Variants in HMBOX1 observed in about 807,000 individuals in gnomAD.
HMBOX1 encodes the protein homeobox-containing protein 1.
Under a neutral mutation model 54.5 loss-of-function variants are expected in HMBOX1, and 14 were observed. The observed-to-expected ratio is 0.26, with a 90% CI of 0.17 to 0.40. The LOEUF is 0.40. Ranked by LOEUF, HMBOX1 falls within the 10% of genes least tolerant of loss-of-function variation. The probability of loss-of-function intolerance (pLI) is 1.00; values close to 1 mark genes in which losing one functional copy is unlikely to be tolerated. For synonymous variants in HMBOX1, 160 were observed against 181.0 expected (o/e 0.88, Z 0.93); for missense variants, 332 against 514.4 (o/e 0.65, Z 3.43).
At chr8:28,935,865 C>T (rs971307983) in intron 1 of HMBOX1, among the ~76,000 whole-genome samples, 1 of 152,048 alleles carries the variant, frequency 6.6e-6, no homozygotes, top group East Asian at 1.9e-4. Flanking sequence ...AATCTTGACT[C>T]TGACACTTGT....
At chr8:28,950,166 T>C (rs919981793) in intron 1 of HMBOX1, among the ~76,000 whole-genome samples, 7 of 152,234 alleles carry the variant, frequency 4.6e-5, no homozygotes, top group African/African-American at 1.7e-4. Flanking sequence ...GATATGGCAT[T>C]GCATCATGAG....
rs535204650 is a variant in HMBOX1, at chr8:28,917,753, A to G, written c.-58+27075A>G. Among the ~76,000 whole-genome samples the G allele has an allele frequency of 5.3e-5, 8 of 152,284 alleles. No homozygotes were observed. The East Asian group carries it at 1.3e-3, about 26-fold the overall frequency. On this transcript the variant is annotated intron_variant, in intron 1 of 9. Transcript: ENST00000287701. ...GCTCCGAGTTTTGGTCATGAATAAGATATTATATTAACTTTTATCAAGTGC... is the reference window on the plus strand; with the variant it reads ...GCTCCGAGTTTTGGTCATGAATAAGGTATTATATTAACTTTTATCAAGTGC...
chr8:28,913,665 C>A (rs1323491896), intron 1 of HMBOX1, among the ~76,000 whole-genome samples: 1 of 152,116 alleles, frequency 6.6e-6, no homozygotes, highest in East Asian at 1.9e-4. Context: ...CTTTCTCTCC[C>A]CATAGCACCC....
intron 6 of HMBOX1, among the ~76,000 whole-genome samples, chr8:29,044,195 A>G (rs1297457881): frequency 6.6e-6 from 1 of 152,182 alleles, no homozygotes; most frequent in African/African-American, 2.4e-5. Context: ...TGCTATTCAC[A>G]ATAGGATGGC....
chr8:28,908,728 TG>T (rs1814823101), intron 1 of HMBOX1, among the ~76,000 whole-genome samples: 1 of 152,136 alleles, frequency 6.6e-6, no homozygotes, highest in African/African-American at 2.4e-5. Context: ...ATTGTGCCAT[TG>T]GACTCCAGCC....
intron 1 of HMBOX1, among the ~76,000 whole-genome samples, chr8:28,948,391 G>A (rs17524918): frequency 0.11 from 16,130 of 152,106 alleles, 1,045 homozygotes; most frequent in Middle Eastern, 0.16. Context: ...GCAGGATTGA[G>A]GCATAAAAGA....
intron 4 of HMBOX1, among the ~76,000 whole-genome samples, chr8:28,999,090 T>G (rs1431717249): frequency 6.6e-6 from 1 of 152,200 alleles, no homozygotes; most frequent in Non-Finnish European, 1.5e-5. Context: ...TCTTATTTCT[T>G]CAGGTGTATT....
chr8:28,986,916 T>C (rs765807393), intron 4 of HMBOX1, among the ~76,000 whole-genome samples: 17 of 152,192 alleles, frequency 1.1e-4, no homozygotes, highest in Non-Finnish European at 1.9e-4. Flanking sequence ...CATATTTTCT[T>C]ACTTTGTTGA....
chr8:28,895,862 T>C (rs1002534665), intron 1 of HMBOX1, among the ~76,000 whole-genome samples: 2 of 152,200 alleles, frequency 1.3e-5, no homozygotes, highest in Admixed American at 1.3e-4. Context: ...CTTCATCCTT[T>C]CTGGTTTATT....
chr8:28,993,564 A>G (rs1831311845), intron 4 of HMBOX1, among the ~76,000 whole-genome samples: 1 of 152,172 alleles, frequency 6.6e-6, no homozygotes, highest in Non-Finnish European at 1.5e-5. Flanking sequence ...TCTCCAGTGG[A>G]ATGAAGAAGG....
At chr8:28,908,704 T>C (rs1585707014) in intron 1 of HMBOX1, among the ~76,000 whole-genome samples, 1 of 152,008 alleles carries the variant, frequency 6.6e-6, no homozygotes, top group East Asian at 1.9e-4. Flanking sequence ...GCAGTGAGCC[T>C]ACAGTGAGCC....
Position 29,003,970 on chromosome 8 carries a change from A to C in HMBOX1, c.587-5102A>C, listed in dbSNP as rs894258882. The stretch of plus-strand genomic sequence containing the variant: ...TACTGCAATTGTCCAGGCAAAAGAG[A>C]CTGAGATTCCAAACTTCTGGAATGA... On this transcript the variant is annotated intron_variant, in intron 4 of 9. Coordinates refer to ENST00000287701, the MANE Select transcript of HMBOX1 (RefSeq NM_001135726.3). Among the ~76,000 whole-genome samples, 40 of 152,160 alleles carry C rather than the reference A, an allele frequency of 2.6e-4. 1 individual carries two copies. Among genetic ancestry groups the C allele is most frequent in the Non-Finnish European group, 2.9e-5 (2 of 68,018 alleles).
intron 5 of HMBOX1, chr8:29,010,041 T>A (rs1473654798): frequency 3.0e-6 from 3 of 984,648 alleles, no homozygotes; most frequent in African/African-American, 1.7e-5. Context: ...GTCATAGAGA[T>A]GTATTTTTGT....
intron 1 of HMBOX1, among the ~76,000 whole-genome samples, chr8:28,897,664 A>C (rs547325233): frequency 6.6e-6 from 1 of 152,368 alleles, no homozygotes; most frequent in South Asian, 2.1e-4. Context: ...CAACAGAGCG[A>C]GACTCTATCT....
At chr8:29,050,769 T>C (rs1586707019) in intron 9 of HMBOX1, 2 of 483,676 alleles carry the variant, frequency 4.1e-6, no homozygotes, top group East Asian at 7.1e-5. Context: ...ATAGAATGAA[T>C]AGAATTCTCA....
At chr8:28,965,341 A>G (rs1397954256) in intron 2 of HMBOX1, among the ~76,000 whole-genome samples, 1 of 152,240 alleles carries the variant, frequency 6.6e-6, no homozygotes, top group Non-Finnish European at 1.5e-5. Flanking sequence ...TGATCAAAGT[A>G]TGATTTCATG....
chr8:28,930,024 G>A (rs539568928), intron 1 of HMBOX1, among the ~76,000 whole-genome samples: 1 of 147,118 alleles, frequency 6.8e-6, no homozygotes, highest in East Asian at 2.0e-4. Flanking sequence ...GAGAAAGAAG[G>A]GCACTGGGCC....
In HMBOX1 at chr8:28,989,274, GA is replaced by G. The variant is rs1179267952; in HGVS notation, c.586+9131del. Among the ~76,000 whole-genome samples the G allele has an allele frequency of 7.3e-3, 991 of 136,238 alleles. 4 individuals are homozygous for G. Among genetic ancestry groups the G allele is most frequent in the African/African-American group, 0.023 (848 of 37,326 alleles). The allele number at this position is 136,238 out of a possible 152,430, so 89.4% of individuals were successfully genotyped here. A position where few individuals can be genotyped will look rare whatever the true frequency, so the allele number is the denominator to read the frequency against. On this transcript the variant is annotated intron_variant, in intron 4 of 9. Coordinates refer to ENST00000287701, the MANE Select transcript of HMBOX1 (RefSeq NM_001135726.3). ...GCAACAAGAGTGAAACTCTGTCTCAGAAAAAAAAAAAAAGAAAATTTTGCTT... is the reference window on the plus strand; with the variant it reads ...GCAACAAGAGTGAAACTCTGTCTCAGAAAAAAAAAAAAGAAAATTTTGCTT...
chr8:28,930,634 T>G (rs1819325147), intron 1 of HMBOX1, among the ~76,000 whole-genome samples: 1 of 152,210 alleles, frequency 6.6e-6, no homozygotes, highest in Non-Finnish European at 1.5e-5. Context: ...GTCTAATCAG[T>G]ATCCTTAAGC....
Sources: gnomAD v4.1 joint callset for allele counts (sites outside exome capture counted in the v4.1 genomes callset) on GRCh38, gnomAD v4.1.1 for gene constraint, MANE v1.5 for transcripts, NCBI Gene and HGNC (gene_info 2026-07-23, HGNC 2026-07-21) for gene names.